The following ACCSL variants were observed in gnomAD, a reference collection of about 807,000 sequenced individuals.
ACCSL encodes the protein 1-aminocyclopropane-1-carboxylate synthase homolog (inactive) like.
ACCSL carries 55 observed loss-of-function variants against 61.7 expected under a neutral mutation model. The ratio of observed to expected loss-of-function variants is 0.89; its 90% confidence interval spans 0.72 to 1.12. The LOEUF is 1.12. ACCSL is among the 50% of genes most tolerant of loss of function. The probability of loss-of-function intolerance (pLI) is 0.00; values close to 1 mark genes in which losing one functional copy is unlikely to be tolerated. For synonymous variants in ACCSL, 258 were observed against 264.3 expected, an observed-to-expected ratio of 0.98 and a Z score of 0.23; for missense variants, 632 against 698.0, an observed-to-expected ratio of 0.91 and a Z score of 1.07.
chr11:43,985,223 C>A, the ACCSL span, among the ~76,000 whole-genome samples: 1 of 152,138 alleles, frequency 6.6e-6, no homozygotes, highest in Admixed American at 6.5e-5. Flanking sequence ...GTTTCAAGGA[C>A]CATTCAAGAT....
the ACCSL span, among the ~76,000 whole-genome samples, chr11:43,967,827 A>T: frequency 6.6e-6 from 1 of 152,114 alleles, no homozygotes; most frequent in Non-Finnish European, 1.5e-5. Context: ...AGGGAATGGA[A>T]TTTTGCCAGC....
At chr11:44,054,995 T>C (rs1184956111) in intron 8 of ACCSL, among the ~76,000 whole-genome samples, 2 of 152,080 alleles carry the variant, frequency 1.3e-5, no homozygotes, top group African/African-American at 4.8e-5. Flanking sequence ...GGTCTAAGGG[T>C]CCCTTCTGAT....
the ACCSL span, among the ~76,000 whole-genome samples, chr11:43,957,186 T>C: frequency 6.6e-6 from 1 of 152,086 alleles, no homozygotes; most frequent in Non-Finnish European, 1.5e-5. Flanking sequence ...TCCAAGGTGG[T>C]TGGGTTACAG....
At chr11:43,983,940 A>T in the ACCSL span, among the ~76,000 whole-genome samples, 1 of 151,800 alleles carries the variant, frequency 6.6e-6, no homozygotes, top group South Asian at 2.1e-4. Flanking sequence ...ACATGGTGAA[A>T]CCCCCTCTCT....
At chr11:43,998,641 A>G in the ACCSL span, among the ~76,000 whole-genome samples, 1 of 152,142 alleles carries the variant, frequency 6.6e-6, no homozygotes, top group Non-Finnish European at 1.5e-5. Context: ...ATGTTTATTG[A>G]CCCAGTTTGC....
the ACCSL span, among the ~76,000 whole-genome samples, chr11:44,034,645 C>T: frequency 1.6e-3 from 238 of 152,244 alleles, 2 homozygotes; most frequent in Admixed American, 0.012. Context: ...ATCATGAGAA[C>T]AGCATGGGAA....
At chr11:43,969,928 T>C in the ACCSL span, among the ~76,000 whole-genome samples, 563 of 152,132 alleles carry the variant, frequency 3.7e-3, 7 homozygotes, top group African/African-American at 0.013. Flanking sequence ...CTCCCCTACA[T>C]ACACCTTGTC....
the ACCSL span, among the ~76,000 whole-genome samples, chr11:43,929,910 C>G: frequency 6.6e-6 from 1 of 152,014 alleles, no homozygotes; most frequent in Non-Finnish European, 1.5e-5. Context: ...GTGTTGAGAG[C>G]AAGGACTTGG....
the ACCSL span, among the ~76,000 whole-genome samples, chr11:43,922,818 C>A: frequency 5.3e-4 from 80 of 152,216 alleles, no homozygotes; most frequent in Non-Finnish European, 1.0e-3. Flanking sequence ...CAATACTTAC[C>A]AACACCATTA....
At chr11:44,010,272 G>A in the ACCSL span, among the ~76,000 whole-genome samples, 4 of 151,990 alleles carry the variant, frequency 2.6e-5, no homozygotes, top group Admixed American at 1.3e-4. Context: ...TCTGGGAGGC[G>A]GAGGTTGCAG....
At chr11:43,921,870 T>A in the ACCSL span, among the ~76,000 whole-genome samples, 1 of 152,178 alleles carries the variant, frequency 6.6e-6, no homozygotes, top group Admixed American at 6.5e-5. Context: ...TGCCCTTTTC[T>A]TTACCATTAA....
At chr11:43,979,338 G>GA in the ACCSL span, among the ~76,000 whole-genome samples, 5 of 151,210 alleles carry the variant, frequency 3.3e-5, no homozygotes, top group South Asian at 2.1e-4. Flanking sequence ...TCTCAAAAAA[G>GA]AAAAAAACAA....
upstream of ACCSL, among the ~76,000 whole-genome samples, chr11:44,046,425 A>C (rs953382603): frequency 6.6e-6 from 1 of 152,172 alleles, no homozygotes; most frequent in African/African-American, 2.4e-5. Context: ...TGCCTCTCCT[A>C]CTCATTAACT....
At chr11:44,007,315 C>T in the ACCSL span, among the ~76,000 whole-genome samples, 1 of 152,148 alleles carries the variant, frequency 6.6e-6, no homozygotes, top group African/African-American at 2.4e-5. Context: ...CAGCTTCGGG[C>T]CCCCTTCCCA....
chr11:44,003,725 A>C, the ACCSL span, among the ~76,000 whole-genome samples: 1 of 151,950 alleles, frequency 6.6e-6, no homozygotes, highest in African/African-American at 2.4e-5. Flanking sequence ...TATACAACCG[A>C]AATTCTATCC....
At chr11:44,000,577 AT>A in the ACCSL span, among the ~76,000 whole-genome samples, 2 of 149,716 alleles carry the variant, frequency 1.3e-5, no homozygotes, top group Non-Finnish European at 3.0e-5. Flanking sequence ...AAATAAATAA[AT>A]AAAGTATATG....
the ACCSL span, among the ~76,000 whole-genome samples, chr11:44,033,151 T>C: frequency 6.6e-6 from 1 of 152,110 alleles, no homozygotes; most frequent in Non-Finnish European, 1.5e-5. Flanking sequence ...AGGAAGAGGC[T>C]CAAATTTATA....
chr11:43,981,339 C>T, the ACCSL span, among the ~76,000 whole-genome samples: 1 of 152,218 alleles, frequency 6.6e-6, no homozygotes, highest in Non-Finnish European at 1.5e-5. Flanking sequence ...GACACTGGGG[C>T]TTTCCTAGCA....
At chr11:43,930,969 G>C in the ACCSL span, among the ~76,000 whole-genome samples, 1 of 152,262 alleles carries the variant, frequency 6.6e-6, no homozygotes, top group South Asian at 2.1e-4. Context: ...TGTACAGCCC[G>C]TTGATGAGCC....
Sources: allele counts gnomAD v4.1 joint callset (sites outside exome capture counted in the v4.1 genomes callset), GRCh38; gene constraint gnomAD v4.1.1; transcripts MANE v1.5; gene names NCBI Gene and HGNC (gene_info 2026-07-23, HGNC 2026-07-21).